HAPLN1: variants seen among roughly 807,000 people sequenced by gnomAD.
HAPLN1 encodes the protein Cartilage link protein.
A neutral mutation model predicts 36.5 loss-of-function variants in HAPLN1; 13 were observed. The observed-to-expected ratio is 0.36, with a 90% CI of 0.23 to 0.57. The LOEUF (loss-of-function observed/expected upper bound fraction) is 0.57, where lower values mean the gene tolerates loss of function less well. HAPLN1 is among the 20% of genes least tolerant of loss of function. HAPLN1 has a pLI of 0.83. For missense variants in HAPLN1, 407 were observed against 439.7 expected (o/e 0.93, Z 0.66); for synonymous variants, 202 against 169.8 (o/e 1.19, Z -1.48).
In HAPLN1 at chr5:83,641,416, G is replaced by A. The variant is rs894750793; in HGVS notation, c.*80C>T. On this transcript the variant is annotated 3_prime_UTR_variant, in exon 5 of 5. Transcript: ENST00000274341. Reference sequence around the variant, plus strand: ...AGGGTTATCACAGTTTTGGTAACTTGCATGAGTTCATATTGGAAAAAAAAA... The same window carrying A: ...AGGGTTATCACAGTTTTGGTAACTTACATGAGTTCATATTGGAAAAAAAAA... 3 of 1,324,914 alleles carry A rather than the reference G, an allele frequency of 2.3e-6. No individual in the cohort carries two copies. The highest frequency in any genetic ancestry group is 3.0e-5 in the African/African-American group (2 of 67,626). The allele number at this position is 1,324,914 out of a possible 1,614,324, so 82.1% of individuals were successfully genotyped here. A position where few individuals can be genotyped will look rare whatever the true frequency, so the allele number is the denominator to read the frequency against.
chr5:83,693,322 G>A (rs1751321911), intron 1 of HAPLN1, among the ~76,000 whole-genome samples: 1 of 151,818 alleles, frequency 6.6e-6, no homozygotes, highest in African/African-American at 2.4e-5. Context: ...CAGTAGAAAT[G>A]TAAACAAAGA....
chr5:83,688,601 A>T (rs1751193030), intron 1 of HAPLN1, among the ~76,000 whole-genome samples: 1 of 149,304 alleles, frequency 6.7e-6, no homozygotes, highest in African/African-American at 2.5e-5. Flanking sequence ...CGATTTTGGA[A>T]AATTTCCTGT....
chr5:83,641,385 TA>T lies in HAPLN1; in HGVS notation c.*110del. 8.4e-6 allele frequency: 8 copies of T among 955,808 alleles called. No homozygotes were observed. Among genetic ancestry groups the T allele is most frequent in the Non-Finnish European group, 1.2e-5 (8 of 650,204 alleles). 59.2% of individuals were successfully genotyped at this position (955,808 alleles called of 1,614,324 possible). A position where few individuals can be genotyped will look rare whatever the true frequency, so the allele number is the denominator to read the frequency against. ...TATGAAAATGACTCTTTACAGTAAGTAAAAAAGGGTTATCACAGTTTTGGTA... is the reference window on the plus strand; with the variant it reads ...TATGAAAATGACTCTTTACAGTAAGTAAAAAGGGTTATCACAGTTTTGGTA... On this transcript the variant is annotated 3_prime_UTR_variant, in exon 5 of 5. Coordinates refer to ENST00000274341, the MANE Select transcript of HAPLN1 (RefSeq NM_001884.4).
chr5:83,644,778 G>GAA, intron 3 of HAPLN1, 113 bp from the exon 4 acceptor site: 1 of 687,626 alleles, frequency 1.5e-6, no homozygotes, highest in Non-Finnish European at 2.1e-6. Context: ...TGAGACAGTA[G>GAA]TTTTTCGTCA....
At position 83,639,931 on chromosome 5, in the gene HAPLN1, A is replaced by C. The variant is rs1309433278; in HGVS notation, c.*1565T>G. ...TTGTTCTATACCTTCCACACACAGA[A>C]CTCTATAGAGTAAATTTATTAGAAT... On this transcript the variant is annotated 3_prime_UTR_variant, in exon 5 of 5. Coordinates refer to ENST00000274341, the MANE Select transcript of HAPLN1 (RefSeq NM_001884.4). 2.0e-5 allele frequency: 3 copies of C among 152,066 alleles called. No individual in the cohort carries two copies. The highest frequency in any genetic ancestry group is 3.2e-3 in the Middle Eastern group (1 of 316). 9.4% of individuals were successfully genotyped at this position (152,066 alleles called of 1,614,324 possible). A position where few individuals can be genotyped will look rare whatever the true frequency, so the allele number is the denominator to read the frequency against.
At chr5:83,642,018 T>C (rs1292823181) in intron 4 of HAPLN1, among the ~76,000 whole-genome samples, 1 of 152,160 alleles carries the variant, frequency 6.6e-6, no homozygotes, top group African/African-American at 2.4e-5. Context: ...TTTATAGCTT[T>C]AAAAAGAAAA....
intron 2 of HAPLN1, among the ~76,000 whole-genome samples, chr5:83,659,983 C>T (rs536050678): frequency 1.3e-5 from 2 of 152,038 alleles, no homozygotes; most frequent in African/African-American, 2.4e-5. Context: ...GTACTCCTCC[C>T]ATCCAGCCCA....
chr5:83,665,325 G>A (rs886582612), intron 2 of HAPLN1, among the ~76,000 whole-genome samples: 2 of 152,152 alleles, frequency 1.3e-5, no homozygotes, highest in Non-Finnish European at 2.9e-5. Flanking sequence ...ATCTTGTAAT[G>A]TATAAGGCTA....
chr5:83,691,625 C>T (rs576882333), intron 1 of HAPLN1, among the ~76,000 whole-genome samples: 1 of 152,016 alleles, frequency 6.6e-6, no homozygotes, highest in Non-Finnish European at 1.5e-5. Flanking sequence ...TATCTCTGAA[C>T]AACGTATAGT....
intron 2 of HAPLN1, among the ~76,000 whole-genome samples, chr5:83,662,652 T>C (rs912116180): frequency 6.6e-6 from 1 of 152,190 alleles, no homozygotes; most frequent in African/African-American, 2.4e-5. Flanking sequence ...TCAAAGGATA[T>C]GGGGAAACGA....
intron 2 of HAPLN1, among the ~76,000 whole-genome samples, chr5:83,672,559 C>T (rs2112597716): frequency 6.6e-6 from 1 of 152,316 alleles, no homozygotes; most frequent in Middle Eastern, 3.4e-3. Flanking sequence ...TATCATTTGA[C>T]CTTCACAAGT....
chr5:83,646,872 G>A (rs955328488), intron 3 of HAPLN1, among the ~76,000 whole-genome samples: 1 of 152,156 alleles, frequency 6.6e-6, no homozygotes, highest in East Asian at 1.9e-4. Context: ...GAAAATATTT[G>A]ATTTATTCAG....
rs1416344672 is a variant in HAPLN1, at chr5:83,640,587, G to T, written c.*909C>A. ...AATCAGTTTAAAGTTATTTTTATAG[G>T]ACAATAACATTTCATAGGCTAACAG... On this transcript the variant is annotated 3_prime_UTR_variant, in exon 5 of 5. Coordinates refer to ENST00000274341, the MANE Select transcript of HAPLN1 (RefSeq NM_001884.4). 1.3e-5 allele frequency: 2 copies of T among 152,056 alleles called. No individual in the cohort carries two copies. The highest frequency in any genetic ancestry group is 2.9e-5 in the Non-Finnish European group (2 of 67,992). The allele number at this position is 152,056 out of a possible 1,614,324, so 9.4% of individuals were successfully genotyped here.
chr5:83,683,044 A>G (rs890213103), intron 1 of HAPLN1, among the ~76,000 whole-genome samples: 28 of 152,212 alleles, frequency 1.8e-4, no homozygotes, highest in Admixed American at 1.0e-3. Flanking sequence ...TATGAAGAAC[A>G]AAAGATTTTA....
At chr5:83,648,622 A>G (rs1032264267) in intron 3 of HAPLN1, among the ~76,000 whole-genome samples, 2 of 151,714 alleles carry the variant, frequency 1.3e-5, no homozygotes, top group Non-Finnish European at 2.9e-5. Context: ...TAAAGGACCA[A>G]CTCAATTAAA....
chr5:83,657,827 G>A (rs536651775), intron 2 of HAPLN1, among the ~76,000 whole-genome samples: 7 of 150,340 alleles, frequency 4.7e-5, no homozygotes, highest in African/African-American at 1.7e-4. Context: ...AAACCCAACT[G>A]GGGAATGTAT....
intron 2 of HAPLN1, among the ~76,000 whole-genome samples, chr5:83,661,666 G>A (rs1750396337): frequency 1.3e-5 from 2 of 152,036 alleles, no homozygotes; most frequent in South Asian, 4.2e-4. Flanking sequence ...GGATGGTCTC[G>A]ATCCCTGACC....
intron 1 of HAPLN1, among the ~76,000 whole-genome samples, chr5:83,700,154 A>T (rs1751473677): frequency 6.8e-6 from 1 of 147,972 alleles, no homozygotes; most frequent in Non-Finnish European, 1.5e-5. Flanking sequence ...AGATTGCGCC[A>T]CTGCACTGTA....
At chr5:83,698,873 A>T (rs1421436586) in intron 1 of HAPLN1, among the ~76,000 whole-genome samples, 1 of 152,200 alleles carries the variant, frequency 6.6e-6, no homozygotes, top group East Asian at 1.9e-4. Context: ...ATCAGCATGG[A>T]TATAGAAGGT....
Sources: gnomAD v4.1 joint callset for allele counts (sites outside exome capture counted in the v4.1 genomes callset) on GRCh38, gnomAD v4.1.1 for gene constraint, MANE v1.5 for transcripts, NCBI Gene and HGNC (gene_info 2026-07-23, HGNC 2026-07-21) for gene names.